The following PDE9A variants were observed in gnomAD, a reference collection of about 807,000 sequenced individuals.
The protein encoded by PDE9A is phosphodiesterase 9A, also known as high affinity cGMP-specific 3',5'-cyclic phosphodiesterase 9A.
PDE9A carries 60 observed loss-of-function variants against 87.4 expected under a neutral mutation model. The ratio of observed to expected loss-of-function variants is 0.69; its 90% CI spans 0.56 to 0.85. The LOEUF (loss-of-function observed/expected upper bound fraction) is 0.85, where lower values mean the gene tolerates loss of function less well. Ranked by LOEUF, PDE9A falls within the 40% of genes least tolerant of loss-of-function variation. PDE9A has a pLI of 0.00. For synonymous variants in PDE9A, 272 were observed against 279.4 expected (o/e 0.97, Z 0.27); for missense variants, 665 against 779.0 (o/e 0.85, Z 1.74).
At chr21:42,744,294 A>T (rs2053614456) in intron 8 of PDE9A, among the ~76,000 whole-genome samples, 1 of 152,276 alleles carries the variant, frequency 6.6e-6, no homozygotes, top group East Asian at 1.9e-4. Flanking sequence ...TGGAGGTTGC[A>T]GTGAGCCGAG....
chr21:42,754,229 CTAACTAACACTTTA>C (rs1042860660), intron 10 of PDE9A, among the ~76,000 whole-genome samples, 165 bp downstream of exon 10: 1 of 151,446 alleles, frequency 6.6e-6, no homozygotes, highest in Non-Finnish European at 1.5e-5. Flanking sequence ...TTAGTTGAAA[CTAACTAACACTTTA>C]TAGCAGGGCC....
intron 1 of PDE9A, among the ~76,000 whole-genome samples, chr21:42,674,807 A>G (rs767879714): frequency 5.3e-5 from 8 of 152,228 alleles, no homozygotes; most frequent in Non-Finnish European, 1.0e-4. Flanking sequence ...CTTAATGCCA[A>G]AGAGTGTTCT....
chr21:42,709,383 C>T (rs187015821), intron 4 of PDE9A, among the ~76,000 whole-genome samples: 3 of 152,252 alleles, frequency 2.0e-5, no homozygotes, highest in Admixed American at 2.0e-4. Flanking sequence ...TTGACAGGTG[C>T]AGCAAACCAC....
intron 2 of PDE9A, among the ~76,000 whole-genome samples, chr21:42,687,017 T>C (rs1479041846): frequency 6.6e-6 from 1 of 152,188 alleles, no homozygotes; most frequent in Non-Finnish European, 1.5e-5. Context: ...ACCAGTGATC[T>C]GCCTTATCGA....
At chr21:42,743,345 C>T (rs1026196574) in intron 7 of PDE9A, among the ~76,000 whole-genome samples, 2 of 152,248 alleles carry the variant, frequency 1.3e-5, no homozygotes, top group Non-Finnish European at 2.9e-5. Flanking sequence ...TTGCTGAAAA[C>T]GCTTTGCCGT....
chr21:42,715,434 C>T (rs373886979), intron 4 of PDE9A, among the ~76,000 whole-genome samples: 9 of 152,058 alleles, frequency 5.9e-5, no homozygotes, highest in Non-Finnish European at 4.4e-5. Flanking sequence ...CAAGACCAGA[C>T]TGGCCAACAT....
rs3087994 is a variant in PDE9A at position 42,769,062 on chromosome 21, A to C, written c.1497A>C (p.Ala499=). ...AGAAGTCAGAAGGCCTTCCTGTGGC[A>C]CCGTTCATGGACCGAGACAAAGTGA... ...DREKSEGLPV[A]PFMDRDKVTK... The change falls in exon 17 of 20, where the codon GCA becomes GCC. Residue 499 remains alanine, a synonymous_variant. Transcript: ENST00000291539. The C allele has an allele frequency of 0.38, 610,979 of 1,611,078 alleles. 119,605 individuals carry two copies. The highest frequency in any genetic ancestry group is 0.6 in the African/African-American group (44,616 of 74,672).
chr21:42,656,429 G>C (rs1336453867), intron 1 of PDE9A, among the ~76,000 whole-genome samples: 3 of 152,230 alleles, frequency 2.0e-5, no homozygotes, highest in Non-Finnish European at 2.9e-5. Context: ...TGGGGGTTCT[G>C]CCGAGTTCTG....
At position 42,685,082 on chromosome 21, in the gene PDE9A, G is replaced by A. The variant is rs531641426; in HGVS notation, c.70-1110G>A. 2.6e-5 allele frequency among the ~76,000 whole-genome samples: 4 copies of A among 152,288 alleles called. No individual in the cohort carries two copies. In the East Asian group the frequency reaches 7.7e-4, roughly 29 times the overall value. ...GACTTGTGCTGGAAAGAAAAGCTGC[G>A]TTGGCAGCCAGGAGCCGGGGAAACT... On this transcript the variant is annotated intron_variant, in intron 1 of 19. Transcript: ENST00000291539.
rs1044085071 is a variant in PDE9A at position 42,732,104 on chromosome 21, G to T, written c.477G>T (p.Gln159His). 1 of 1,614,194 alleles carries T rather than the reference G, an allele frequency of 6.2e-7. No individual in the cohort carries two copies. The highest frequency in any genetic ancestry group is 8.5e-7 in the Non-Finnish European group (1 of 1,179,996). ...AATTAATCCAGAGCGTGCTGGCGCA[G>T]GTTGCAGAGCAGTTCTCAAGGTACA... ...REELIQSVLA[Q>H]VAEQFSRAFK... Residue 159 changes from glutamine to histidine, a missense_variant, in exon 6 of 20, where the codon CAG becomes CAT. Transcript: ENST00000291539.
At chr21:42,765,337 T>C in intron 14 of PDE9A, 44 bp from the exon 15 acceptor site, 1 of 1,148,358 alleles carries the variant, frequency 8.7e-7, no homozygotes, top group Non-Finnish European at 1.3e-6. Context: ...TGAATAATTG[T>C]TCAGACTATA....
Position 42,675,434 on chromosome 21 carries a change from G to A in PDE9A, c.70-10758G>A, listed in dbSNP as rs1378991998. ...GGTGCAGTGGAGATTAGATTAGATC[G>A]TCCGTGGAAAGCACCAGAATGGTGC... is the stretch of plus-strand genomic sequence containing the variant. On this transcript the variant is annotated intron_variant, in intron 1 of 19. Coordinates refer to ENST00000291539, the MANE Select transcript of PDE9A (RefSeq NM_002606.3). This position sits in a 1 kb window ranked among gnomAD's most constrained non-coding sequence, Gnocchi z 4.3. Among the ~76,000 whole-genome samples the A allele has an allele frequency of 6.6e-6, 1 of 152,228 alleles. No homozygotes were observed. Among genetic ancestry groups the A allele is most frequent in the Non-Finnish European group, 1.5e-5 (1 of 68,046 alleles).
intron 4 of PDE9A, among the ~76,000 whole-genome samples, chr21:42,708,542 A>AGTTTT (rs1649555709): frequency 6.6e-6 from 1 of 151,864 alleles, no homozygotes; most frequent in African/African-American, 2.4e-5. Flanking sequence ...CAGTTTGATG[A>AGTTTT]GTTTTGTTTT....
At chr21:42,734,484 G>A (rs983993530) in intron 7 of PDE9A, 1 of 152,216 alleles carries the variant, frequency 6.6e-6, no homozygotes, top group Non-Finnish European at 1.5e-5. Flanking sequence ...ACCAACTTAG[G>A]AACTAAATAA....
At chr21:42,710,719 G>A (rs1320403862) in intron 4 of PDE9A, among the ~76,000 whole-genome samples, 2 of 152,212 alleles carry the variant, frequency 1.3e-5, no homozygotes, top group Non-Finnish European at 2.9e-5. Flanking sequence ...CAGGTCCGGT[G>A]GCTCACGCCT....
chr21:42,691,531 A>G (rs986574615), intron 3 of PDE9A, among the ~76,000 whole-genome samples: 4 of 150,278 alleles, frequency 2.7e-5, no homozygotes, highest in Non-Finnish European at 4.4e-5. Context: ...CACCTAGCCC[A>G]TCACCATCAC....
rs2048477435 is a variant in PDE9A at position 42,702,748 on chromosome 21, C to T, written c.262+3737C>T. Reference sequence around the variant, plus strand: ...GACTTGATCCCTTTGGGGTCTCCCCCAAACTCCTGGCTGATCACCAAATTC... The same window carrying T: ...GACTTGATCCCTTTGGGGTCTCCCCTAAACTCCTGGCTGATCACCAAATTC... On this transcript the variant is annotated intron_variant, in intron 4 of 19. Transcript: ENST00000291539. The surrounding 1 kb of genome is among the most constrained non-coding windows in gnomAD (Gnocchi z 4.9). Among the ~76,000 whole-genome samples the T allele has an allele frequency of 2.0e-5, 3 of 152,244 alleles. No homozygotes were observed. The highest frequency in any genetic ancestry group is 2.0e-4 in the Admixed American group (3 of 15,288).
chr21:42,656,968 TGCTGAGTGCTGGGGTCCATGGGAA>T (rs1217356294), intron 1 of PDE9A, among the ~76,000 whole-genome samples: 1 of 152,236 alleles, frequency 6.6e-6, no homozygotes, highest in Non-Finnish European at 1.5e-5. Context: ...ATCTACTATG[TGCTGAGTGCTGGGGTCCATGGGAA>T]GCTGAGTGCT....
At chr21:42,768,394 C>CCCCGCATATTCA (rs2056607951) in intron 16 of PDE9A, 102 bp downstream of exon 16, 7 of 1,015,130 alleles carry the variant, frequency 6.9e-6, no homozygotes, top group Non-Finnish European at 8.9e-6. Context: ...CCGCATATTC[C>CCCCGCATATTCA]CCGGGCTGCC....
Sources: allele counts gnomAD v4.1 joint callset (sites outside exome capture counted in the v4.1 genomes callset), GRCh38; gene constraint gnomAD v4.1.1; non-coding constraint Gnocchi (gnomAD v3.1); transcripts MANE v1.5; gene names NCBI Gene and HGNC (gene_info 2026-07-23, HGNC 2026-07-21).